Variants in ZNF135 observed in about 807,000 individuals in gnomAD.
ZNF135 encodes zinc finger protein 135.
Under a neutral mutation model 12.3 loss-of-function variants are expected in ZNF135, and 11 were observed. That is an observed-to-expected ratio of 0.89 (90% CI 0.56 to 1.48). The LOEUF (loss-of-function observed/expected upper bound fraction) is 1.48, where lower values mean the gene tolerates loss of function less well. Ranked by LOEUF, ZNF135 falls within the 40% of genes most tolerant of loss-of-function variation. The pLI is 0.00. For synonymous variants in ZNF135, 316 were observed against 312.0 expected, an observed-to-expected ratio of 1.01 and a Z score of -0.14; for missense variants, 722 against 815.7, an observed-to-expected ratio of 0.89 and a Z score of 1.40.
At chr19:58,061,972 AG>A (rs1266455745) in intron 3 of ZNF135, among the ~76,000 whole-genome samples, 10 of 152,226 alleles carry the variant, frequency 6.6e-5, no homozygotes, top group African/African-American at 2.4e-4. Flanking sequence ...ATCCCAGGGT[AG>A]ACCAGGGTGT....
intron 3 of ZNF135, among the ~76,000 whole-genome samples, chr19:58,062,831 C>T (rs894422700): frequency 3.3e-5 from 5 of 152,098 alleles, no homozygotes; most frequent in Non-Finnish European, 5.9e-5. Flanking sequence ...GCTGGGACTA[C>T]AGGTGCATAC....
In ZNF135 at chr19:58,059,977, C is replaced by T; in HGVS notation, c.-26C>T. 1 of 1,613,246 alleles carries T rather than the reference C, an allele frequency of 6.2e-7. No homozygotes were observed. The highest frequency in any genetic ancestry group is 8.5e-7 in the Non-Finnish European group (1 of 1,179,858). ...CCTCCCCTTTCCCACAGAGCAGGGC[C>T]AGCCGTTCCTGCCAGAAGCCAGGGC... On this transcript the variant is annotated 5_prime_UTR_variant, in exon 2 of 5. Coordinates refer to ENST00000313434, the MANE Select transcript of ZNF135 (RefSeq NM_001289401.2). The surrounding 1 kb of genome is among the most constrained non-coding windows in gnomAD (Gnocchi z 6.5).
At position 58,067,295 on chromosome 19, in the gene ZNF135, A is replaced by C; in HGVS notation, c.811A>C (p.Lys271Gln). 1 of 1,613,868 alleles carries C rather than the reference A, an allele frequency of 6.2e-7. No individual in the cohort carries two copies. ...AATCCATACTGGGGAGAAACCCTAT[A>C]AATGCACTCAGTGTGGGAGGACCTT... ...QRIHTGEKPY[K>Q]CTQCGRTFNQ... The change falls in exon 5 of 5, where the codon AAA becomes CAA. Residue 271 changes from lysine to glutamine, a missense_variant. Lys to Gln is a moderately conservative substitution (Grantham distance 53). Coordinates refer to ENST00000313434, the MANE Select transcript of ZNF135 (RefSeq NM_001289401.2).
At position 58,068,539 on chromosome 19, in the gene ZNF135, C is replaced by G. The variant is rs771555454; in HGVS notation, c.*78C>G. ...CCTTTCTAGATTTGACCCAATCATA[C>G]ACATGAGAAACGTACATTCATACAC... On this transcript the variant is annotated 3_prime_UTR_variant, in exon 5 of 5. Transcript: ENST00000313434. 5 of 1,513,484 alleles carry G rather than the reference C, an allele frequency of 3.3e-6. No homozygotes were observed. Among genetic ancestry groups the G allele is most frequent in the Non-Finnish European group, 8.9e-7 (1 of 1,121,036 alleles). 93.8% of individuals were successfully genotyped at this position (1,513,484 alleles called of 1,614,324 possible).
In ZNF135 at chr19:58,065,819, C is replaced by CT. The variant is rs891024659; in HGVS notation, c.257-910dup. On this transcript the variant is annotated intron_variant, in intron 4 of 4. Transcript: ENST00000313434. The surrounding 1 kb of genome is among the most constrained non-coding windows in gnomAD (Gnocchi z 4.0). ...TATTCTGCCATTCACTCTGGCTTAACTTTTTTTTTTTTAATTGAACTTTTC... is the reference window on the plus strand; with the variant it reads ...TATTCTGCCATTCACTCTGGCTTAACTTTTTTTTTTTTTAATTGAACTTTTC... Among the ~76,000 whole-genome samples, 32 of 146,606 alleles carry CT rather than the reference C, an allele frequency of 2.2e-4. No homozygotes were observed. Among genetic ancestry groups the CT allele is most frequent in the Middle Eastern group, 3.5e-3 (1 of 282 alleles).
Position 58,060,383 on chromosome 19 carries a change from C to T in ZNF135, c.33+348C>T. On this transcript the variant is annotated intron_variant, in intron 2 of 4. Coordinates refer to ENST00000313434, the MANE Select transcript of ZNF135 (RefSeq NM_001289401.2). This position sits in a 1 kb window ranked among gnomAD's most constrained non-coding sequence, Gnocchi z 4.9. ...CACAGCCTGCCTCTGAAAGGACCGC[C>T]CACGCCGCGCTGGAGGTCAGCGGGC... 1.6e-6 allele frequency: 2 copies of T among 1,245,642 alleles called. No individual in the cohort carries two copies. Among genetic ancestry groups the T allele is most frequent in the Non-Finnish European group, 2.0e-6 (2 of 984,942 alleles). 77.2% of individuals were successfully genotyped at this position (1,245,642 alleles called of 1,614,324 possible).
At position 58,060,733 on chromosome 19, in the gene ZNF135, T is replaced by G. The variant is rs972874367; in HGVS notation, c.33+698T>G. Among the ~76,000 whole-genome samples, 3 of 152,110 alleles carry G rather than the reference T, an allele frequency of 2.0e-5. No individual in the cohort carries two copies. Among genetic ancestry groups the G allele is most frequent in the Admixed American group, 2.0e-4 (3 of 15,276 alleles). On this transcript the variant is annotated intron_variant, in intron 2 of 4. Transcript: ENST00000313434. The surrounding 1 kb of genome is among the most constrained non-coding windows in gnomAD (Gnocchi z 4.9). ...CTGTAATCCCAGCTATGGGGGAGGA[T>G]TGCTTGAGCCCAGGAGTTGGAGGCT...
In ZNF135 at chr19:58,059,859, G is replaced by A. The variant is rs1175793564; in HGVS notation, c.-34-110G>A. On this transcript the variant is annotated intron_variant, in intron 1 of 4. Transcript: ENST00000313434. The surrounding 1 kb of genome is among the most constrained non-coding windows in gnomAD (Gnocchi z 6.5). ...GCAGGCGCTTAAACGGGTACGCGGG[G>A]CCCTGGACGGCTCTCCGCGGAGCTC... The A allele has an allele frequency of 2.2e-6, 3 of 1,339,120 alleles. No homozygotes were observed. Among genetic ancestry groups the A allele is most frequent in the Non-Finnish European group, 3.1e-6 (3 of 979,068 alleles). The allele number at this position is 1,339,120 out of a possible 1,614,324, so 83.0% of individuals were successfully genotyped here.
At position 58,067,351 on chromosome 19, in the gene ZNF135, G is replaced by C. The variant is rs1374454700; in HGVS notation, c.867G>C (p.Gln289His). ...AAATTGCCCCACTGATCCAGCACCA[G>C]AGAACTCACACAGGTGAGAAGCCCT... ...FNQIAPLIQH[Q>H]RTHTGEKPYE... Residue 289 changes from glutamine to histidine, a missense_variant, in exon 5 of 5, where the codon CAG (glutamine) becomes CAC (histidine). By Grantham distance (24) the Gln-to-His change is conservative. Transcript: ENST00000313434. The C allele has an allele frequency of 6.2e-7, 1 of 1,614,220 alleles. No homozygotes were observed. Among genetic ancestry groups the C allele is most frequent in the South Asian group, 1.1e-5 (1 of 91,088 alleles).
intron 4 of ZNF135, 66 bp from the exon 5 acceptor site, chr19:58,066,675 C>T (rs2074071621): frequency 6.3e-7 from 1 of 1,578,286 alleles, no homozygotes; most frequent in South Asian, 1.2e-5. Context: ...CTCTTCCCAT[C>T]TCACCACAAA....
In ZNF135 at chr19:58,068,092, C is replaced by T. The variant is rs772716390; in HGVS notation, c.1608C>T (p.Pro536=). 1.2e-6 allele frequency: 2 copies of T among 1,613,694 alleles called. No homozygotes were observed. Among genetic ancestry groups the T allele is most frequent in the South Asian group, 1.1e-5 (1 of 91,052 alleles). ...QCGRAFSQLA[P]LIQHQRIHTG... ...GCAGAGCCTTCAGCCAGCTTGCTCC[C>T]CTCATTCAGCATCAGAGGATCCACA... Residue 536 remains proline, a synonymous_variant, in exon 5 of 5, where the codon CCC becomes CCT. Coordinates refer to ENST00000313434, the MANE Select transcript of ZNF135 (RefSeq NM_001289401.2).
Position 58,068,671 on chromosome 19 carries a change from TAGTAGG to T in ZNF135, c.*211_*216del. The stretch of plus-strand genomic sequence containing the variant: ...TAGGTCATCCATCTCTGCATCCAAA[TAGTAGG>T]GAAACGTGGAGATAATCAACACTCA... On this transcript the variant is annotated 3_prime_UTR_variant, in exon 5 of 5. Transcript: ENST00000313434. The T allele has an allele frequency of 3.5e-6, 2 of 573,584 alleles. No homozygotes were observed. Among genetic ancestry groups the T allele is most frequent in the Non-Finnish European group, 6.0e-6 (2 of 330,944 alleles). The allele number at this position is 573,584 out of a possible 1,614,324, so 35.5% of individuals were successfully genotyped here. A position where few individuals can be genotyped will look rare whatever the true frequency, so the allele number is the denominator to read the frequency against.
chr19:58,062,632 GCACC>G (rs1599923804), intron 3 of ZNF135, among the ~76,000 whole-genome samples: 2 of 150,862 alleles, frequency 1.3e-5, no homozygotes, highest in Non-Finnish European at 2.9e-5. Context: ...ACCTCGTGAT[GCACC>G]CACCTTAGCC....
In ZNF135 at chr19:58,067,607, A is replaced by T. The variant is rs1296115743; in HGVS notation, c.1123A>T (p.Ile375Phe). ...HSSSLTKHQR[I>F]HTGEKPYECH... ...CTCATCCTTGACCAAACACCAGCGA[A>T]TCCACACAGGGGAGAAGCCCTACGA... The change falls in exon 5 of 5, where the codon ATC (isoleucine) becomes TTC (phenylalanine). Residue 375 changes from isoleucine to phenylalanine, a missense_variant. Coordinates refer to ENST00000313434, the MANE Select transcript of ZNF135 (RefSeq NM_001289401.2). 1.9e-6 allele frequency: 3 copies of T among 1,614,048 alleles called. No homozygotes were observed. The highest frequency in any genetic ancestry group is 2.5e-6 in the Non-Finnish European group (3 of 1,180,026).
Position 58,067,328 on chromosome 19 carries a change from A to G in ZNF135, c.844A>G (p.Ile282Val), listed in dbSNP as rs781734915. The change falls in exon 5 of 5, where the codon ATT (isoleucine) becomes GTT (valine). Residue 282 changes from isoleucine (I) to valine (V), a missense_variant. Transcript: ENST00000313434. Reference sequence around the variant, plus strand: ...TCAGTGTGGGAGGACCTTCAACCAAATTGCCCCACTGATCCAGCACCAGAG... The same window carrying G: ...TCAGTGTGGGAGGACCTTCAACCAAGTTGCCCCACTGATCCAGCACCAGAG... The part of the protein sequence containing the change: ...CTQCGRTFNQ[I>V]APLIQHQRTH... 1.1e-5 allele frequency: 17 copies of G among 1,614,110 alleles called. No individual in the cohort carries two copies. The highest frequency in any genetic ancestry group is 1.4e-5 in the Non-Finnish European group (16 of 1,180,026).
At position 58,063,002 on chromosome 19, in the gene ZNF135, G is replaced by T. The variant is rs1056068889; in HGVS notation, c.161-444G>T. ...CACTATGCATAGCCTGAATTTTAGG[G>T]GGACACCAACATTCAGACCATAGCA... On this transcript the variant is annotated intron_variant, in intron 3 of 4. Transcript: ENST00000313434. The surrounding 1 kb of genome is among the most constrained non-coding windows in gnomAD (Gnocchi z 4.4). 3.3e-5 allele frequency among the ~76,000 whole-genome samples: 5 copies of T among 152,130 alleles called. No individual in the cohort carries two copies. The highest frequency in any genetic ancestry group is 7.4e-5 in the Non-Finnish European group (5 of 68,016).
intron 3 of ZNF135, among the ~76,000 whole-genome samples, chr19:58,062,433 A>G (rs1257667571): frequency 6.6e-6 from 1 of 152,004 alleles, no homozygotes; most frequent in Non-Finnish European, 1.5e-5. Flanking sequence ...CCCGGGCTGG[A>G]GTGCAGTGGT....
rs537175702 is a variant in ZNF135, at chr19:58,062,884, C to T, written c.161-562C>T. Among the ~76,000 whole-genome samples, 29 of 151,936 alleles carry T rather than the reference C, an allele frequency of 1.9e-4. No homozygotes were observed. The South Asian group carries it at 5.0e-3, about 26-fold the overall frequency. ...TTTTAAAATTTTTGTAGAGACGGGT[C>T]CTTGCTGTGTTGCCCAGGCTGCCCT... On this transcript the variant is annotated intron_variant, in intron 3 of 4. Transcript: ENST00000313434.
At chr19:58,062,514 C>G (rs2073999085) in intron 3 of ZNF135, among the ~76,000 whole-genome samples, 1 of 151,718 alleles carries the variant, frequency 6.6e-6, no homozygotes, top group Non-Finnish European at 1.5e-5. Context: ...TCCTGAGTAG[C>G]TGGGACTACA....
Sources: allele counts gnomAD v4.1 joint callset (sites outside exome capture counted in the v4.1 genomes callset), GRCh38; gene constraint gnomAD v4.1.1; non-coding constraint Gnocchi (gnomAD v3.1); transcripts MANE v1.5; gene names NCBI Gene and HGNC (gene_info 2026-07-23, HGNC 2026-07-21).